The following SLC12A7 variants were observed in gnomAD, a reference collection of about 807,000 sequenced individuals.
SLC12A7 encodes the protein K-Cl cotransporter 4.
A neutral mutation model predicts 120.6 loss-of-function variants in SLC12A7; 100 were observed. The ratio of observed to expected loss-of-function variants is 0.83; its 90% CI spans 0.71 to 0.98. The LOEUF is 0.98. SLC12A7 is among the 50% of genes least tolerant of loss of function. SLC12A7 has a pLI of 0.00. For synonymous variants in SLC12A7, 760 were observed against 678.0 expected, an observed-to-expected ratio of 1.12 and a Z score of -1.88; for missense variants, 1,373 against 1,548.1, an observed-to-expected ratio of 0.89 and a Z score of 1.90.
chr5:1,119,146 G>A, the SLC12A7 span, among the ~76,000 whole-genome samples: 14 of 152,334 alleles, frequency 9.2e-5, no homozygotes, highest in South Asian at 6.2e-4. Context: ...CTTTTGCAGC[G>A]CTGGAAGGCT....
chr5:1,082,799 C>CTGG (rs1739337232), intron 8 of SLC12A7, among the ~76,000 whole-genome samples: 1 of 133,690 alleles, frequency 7.5e-6, no homozygotes, highest in Non-Finnish European at 1.6e-5. Context: ...CTTCCCGTCT[C>CTGG]AGGTTCTGGA....
chr5:1,052,186 G>A lies in SLC12A7; in HGVS notation c.*174C>T. Reference sequence around the variant, plus strand: ...TTGCTGAGCCTGTTAAGGCTGAACAGGAGAGCCCTAGGTGACGGGCCTAGA... The same window carrying A: ...TTGCTGAGCCTGTTAAGGCTGAACAAGAGAGCCCTAGGTGACGGGCCTAGA... On this transcript the variant is annotated 3_prime_UTR_variant, in exon 24 of 24. Transcript: ENST00000264930. The A allele has an allele frequency of 3.2e-6, 2 of 619,850 alleles. No individual in the cohort carries two copies. The highest frequency in any genetic ancestry group is 2.8e-5 in the Admixed American group (1 of 36,156). The allele number at this position is 619,850 out of a possible 1,614,324, so 38.4% of individuals were successfully genotyped here.
upstream of SLC12A7, among the ~76,000 whole-genome samples, chr5:1,116,079 G>T (rs7707996): frequency 0.042 from 6,364 of 152,150 alleles, 458 homozygotes; most frequent in African/African-American, 0.15. Context: ...TCTGCCCATG[G>T]CCAGGGTGGC....
At chr5:1,082,996 G>A (rs9764034) in intron 8 of SLC12A7, among the ~76,000 whole-genome samples, 49,863 of 124,242 alleles carry the variant, frequency 0.4, 12,246 homozygotes, top group East Asian at 0.63. Flanking sequence ...TGGAAAGTCC[G>A]GGCTTCCCAT....
At chr5:1,122,963 C>T in the SLC12A7 span, among the ~76,000 whole-genome samples, 12 of 152,390 alleles carry the variant, frequency 7.9e-5, no homozygotes, top group South Asian at 2.1e-4. Context: ...GAGCTGGGGG[C>T]GTCGCCCTGG....
At position 1,081,750 on chromosome 5, in the gene SLC12A7, G is replaced by A. The variant is rs78666161; in HGVS notation, c.1130-6C>T. ...GTACGTACTCCACAGGTTCTCTGCCGGGCAAGGAAGATCCCATGGGTTTCT... is the reference window on the plus strand; with the variant it reads ...GTACGTACTCCACAGGTTCTCTGCCAGGCAAGGAAGATCCCATGGGTTTCT... On this transcript the variant is annotated splice_region_variant and splice_polypyrimidine_tract_variant and intron_variant, in intron 8 of 23. Coordinates refer to ENST00000264930, the MANE Select transcript of SLC12A7 (RefSeq NM_006598.3). The A allele has an allele frequency of 1.1e-4, 181 of 1,607,926 alleles. No individual in the cohort carries two copies. The highest frequency in any genetic ancestry group is 5.9e-4 in the African/African-American group (44 of 75,004).
chr5:1,138,406 A>G, the SLC12A7 span, among the ~76,000 whole-genome samples: 1 of 152,146 alleles, frequency 6.6e-6, no homozygotes, highest in African/African-American at 2.4e-5. Context: ...TGCATTTACA[A>G]ACCTTTAGCT....
the SLC12A7 span, among the ~76,000 whole-genome samples, chr5:1,122,843 C>G: frequency 6.6e-6 from 1 of 152,376 alleles, no homozygotes; most frequent in African/African-American, 2.4e-5. Flanking sequence ...GGTTGCTATT[C>G]CCCCTATGTA....
At chr5:1,148,032 A>G in the SLC12A7 span, among the ~76,000 whole-genome samples, 1 of 151,882 alleles carries the variant, frequency 6.6e-6, no homozygotes, top group Admixed American at 6.6e-5. Context: ...CTTTGCCTGT[A>G]ACTTCTGTCT....
Position 1,065,283 on chromosome 5 carries a change from C to A in SLC12A7, c.2437G>T (p.Asp813Tyr), listed in dbSNP as rs1235035957. Reference protein sequence around the residue: ...DNPFSWKNFVDTVRDTTAAHQ... With the variant: ...DNPFSWKNFVYTVRDTTAAHQ... ...CCGAAGGGCCGCCAGCCATGCCTAC[C>A]CACAAAGTTCTTCCAGGAGAAGGGG... The change falls in exon 18 of 24, where the codon GAC (aspartate) becomes TAC (tyrosine). Residue 813 changes from aspartate to tyrosine, a missense_variant and splice_region_variant. By Grantham distance (160) the Asp-to-Tyr change is radical. Coordinates refer to ENST00000264930, the MANE Select transcript of SLC12A7 (RefSeq NM_006598.3). 6.4e-7 allele frequency: 1 copy of A among 1,558,460 alleles called. No homozygotes were observed. The highest frequency in any genetic ancestry group is 1.2e-5 in the South Asian group (1 of 84,016).
At chr5:1,118,554 G>T in the SLC12A7 span, among the ~76,000 whole-genome samples, 1 of 152,262 alleles carries the variant, frequency 6.6e-6, no homozygotes, top group Non-Finnish European at 1.5e-5. Flanking sequence ...TTGGCCAAAT[G>T]CGAAGGCCGC....
the SLC12A7 span, among the ~76,000 whole-genome samples, chr5:1,146,508 T>A: frequency 5.3e-5 from 8 of 152,170 alleles, no homozygotes; most frequent in Non-Finnish European, 1.5e-5. This position sits in a 1 kb window ranked among gnomAD's most constrained non-coding sequence, Gnocchi z 6.5. Context: ...ACCGTCTGGA[T>A]GGACCCCTCC....
chr5:1,083,756 C>G lies in SLC12A7; in HGVS notation c.1118G>C (p.Gly373Ala). 6.2e-7 allele frequency: 1 copy of G among 1,612,468 alleles called. No homozygotes were observed. Among genetic ancestry groups the G allele is most frequent in the East Asian group, 2.2e-5 (1 of 44,884 alleles). ...CCTGTGAGCCTCACCCAGGAAGACA[C>G]CACTGGCCGCGCCCGGGATGCCCTG... Reference protein sequence around the residue: ...EIQGIPGAASGVFLENLWSTY... With the variant: ...EIQGIPGAASAVFLENLWSTY... Residue 373 changes from glycine to alanine, a missense_variant, in exon 8 of 24, where the codon GGT becomes GCT. Gly to Ala is a moderately conservative substitution (Grantham distance 60). Coordinates refer to ENST00000264930, the MANE Select transcript of SLC12A7 (RefSeq NM_006598.3).
chr5:1,132,866 T>C, the SLC12A7 span, among the ~76,000 whole-genome samples: 2 of 152,250 alleles, frequency 1.3e-5, no homozygotes, highest in Non-Finnish European at 2.9e-5. Context: ...AAATTTCAGA[T>C]AAATGATGAA....
chr5:1,098,068 T>C (rs202056347), intron 1 of SLC12A7, among the ~76,000 whole-genome samples: 32 of 149,832 alleles, frequency 2.1e-4, no homozygotes, highest in African/African-American at 6.7e-4. Context: ...CTCTCTAACC[T>C]TCTGCACACC....
chr5:1,142,175 T>C, the SLC12A7 span, among the ~76,000 whole-genome samples: 1 of 151,114 alleles, frequency 6.6e-6, no homozygotes, highest in Admixed American at 6.6e-5. Context: ...GGCCCCTCCA[T>C]ACAGAGCCCA....
Position 1,079,424 on chromosome 5 carries a change from A to G in SLC12A7, c.1370T>C (p.Leu457Pro). The change falls in exon 10 of 24, where the codon CTG becomes CCG. Residue 457 changes from leucine to proline, a missense_variant. By Grantham distance (98) the Leu-to-Pro change is moderately conservative (BLOSUM62 -3). Transcript: ENST00000264930. ...GATGAAAGACGTCGTCACTATGGCCAGGATGGTCCCCGTGGGGATGGACTT... is the reference window on the plus strand; with the variant it reads ...GATGAAAGACGTCGTCACTATGGCCGGGATGGTCCCCGTGGGGATGGACTT... ...AQKSIPTGTI[L>P]AIVTTSFIYL... The G allele has an allele frequency of 6.2e-7, 1 of 1,612,780 alleles. No homozygotes were observed. The highest frequency in any genetic ancestry group is 8.5e-7 in the Non-Finnish European group (1 of 1,179,844).
intron 1 of SLC12A7, among the ~76,000 whole-genome samples, chr5:1,110,635 C>T (rs957569715): frequency 6.6e-6 from 1 of 152,236 alleles, no homozygotes; most frequent in Admixed American, 6.5e-5. Flanking sequence ...AGAAAGACCA[C>T]GCCAGGGCCC....
the SLC12A7 span, among the ~76,000 whole-genome samples, chr5:1,146,381 C>G: frequency 3.4e-4 from 52 of 152,222 alleles, no homozygotes; most frequent in African/African-American, 1.2e-3. The surrounding 1 kb of genome is among the most constrained non-coding windows in gnomAD (Gnocchi z 6.5). Context: ...CTGACCTGGC[C>G]GTGGAATGAA....
Sources: allele counts gnomAD v4.1 joint callset (sites outside exome capture counted in the v4.1 genomes callset), GRCh38; gene constraint gnomAD v4.1.1; non-coding constraint Gnocchi (gnomAD v3.1); transcripts MANE v1.5; gene names NCBI Gene and HGNC (gene_info 2026-07-23, HGNC 2026-07-21).